ZFHX4: variants seen among roughly 807,000 people sequenced by gnomAD.
The protein encoded by ZFHX4 is zinc finger homeobox protein 4.
Under a neutral mutation model 267.6 loss-of-function variants are expected in ZFHX4, and 56 were observed. The ratio of observed to expected loss-of-function variants is 0.21; its 90% CI spans 0.17 to 0.26. The LOEUF is 0.26. Among genes scored for constraint, ZFHX4 ranks in the 10% least tolerant of loss-of-function variants. ZFHX4 has a pLI of 1.00. For missense variants in ZFHX4, 4,332 were observed against 4,420.0 expected, an observed-to-expected ratio of 0.98 and a Z score of 0.56; for synonymous variants, 1,778 against 1,665.6, an observed-to-expected ratio of 1.07 and a Z score of -1.64.
Position 76,855,961 on chromosome 8 carries a change from G to A in ZFHX4, c.9040G>A (p.Val3014Met). The change falls in exon 10 of 11, where the codon GTG (valine) becomes ATG (methionine). Residue 3014 changes from valine to methionine, a missense_variant. Transcript: ENST00000651372. ...GTKPECTLCG[V>M]KYSARLSIRD... The stretch of plus-strand genomic sequence containing the variant: ...CAAACCAGAGTGTACCCTCTGCGGG[G>A]TGAAGTACTCTGCCCGCTTGTCCAT... The A allele has an allele frequency of 6.2e-7, 1 of 1,613,934 alleles. No homozygotes were observed.
chr8:76,720,827 A>G (rs761853290), intron 3 of ZFHX4, among the ~76,000 whole-genome samples: 2 of 152,180 alleles, frequency 1.3e-5, no homozygotes, highest in Non-Finnish European at 2.9e-5. Context: ...TAGATTAGCT[A>G]CTATTATTAT....
At chr8:76,848,325 C>T (rs1434640043) in intron 6 of ZFHX4, among the ~76,000 whole-genome samples, 1 of 152,170 alleles carries the variant, frequency 6.6e-6, no homozygotes, top group African/African-American at 2.4e-5. Flanking sequence ...CACTGCTGGT[C>T]TAGGCAAAAT....
rs1045845668 is a variant in ZFHX4, at chr8:76,718,598, G to T, written c.3093+10550G>T. Among the ~76,000 whole-genome samples the T allele has an allele frequency of 2.0e-5, 3 of 151,902 alleles. No homozygotes were observed. In the East Asian group the frequency reaches 5.8e-4, roughly 29 times the overall value. ...AATTTACAAATAACTTTTTTTCAGA[G>T]AAAAATAGTCTTGGCTCTCTTAATT... On this transcript the variant is annotated intron_variant, in intron 3 of 10. Coordinates refer to ENST00000651372, the MANE Select transcript of ZFHX4 (RefSeq NM_024721.5).
At chr8:76,710,574 A>C (rs1211180912) in intron 3 of ZFHX4, among the ~76,000 whole-genome samples, 1 of 152,202 alleles carries the variant, frequency 6.6e-6, no homozygotes, top group Non-Finnish European at 1.5e-5. Flanking sequence ...CTCCTCTATA[A>C]AATTCATTTT....
intron 3 of ZFHX4, among the ~76,000 whole-genome samples, chr8:76,776,325 G>T (rs952621784): frequency 6.6e-6 from 1 of 152,004 alleles, no homozygotes; most frequent in African/African-American, 2.4e-5. Context: ...AAGTGTTTTG[G>T]TGTGTTATAA....
intron 3 of ZFHX4, among the ~76,000 whole-genome samples, chr8:76,734,225 T>C (rs1362829929): frequency 6.6e-6 from 1 of 152,190 alleles, no homozygotes; most frequent in Non-Finnish European, 1.5e-5. Flanking sequence ...TCTGTTAAAA[T>C]GTTATGGACA....
intron 4 of ZFHX4, among the ~76,000 whole-genome samples, chr8:76,821,138 T>A (rs995549514): frequency 6.6e-6 from 1 of 152,162 alleles, no homozygotes; most frequent in Non-Finnish European, 1.5e-5. Context: ...CCTAGGTCCA[T>A]CCTATGACAC....
intron 6 of ZFHX4, among the ~76,000 whole-genome samples, chr8:76,843,478 C>G (rs1469324024): frequency 6.6e-6 from 1 of 152,148 alleles, no homozygotes; most frequent in East Asian, 1.9e-4. Flanking sequence ...CAAACAAACC[C>G]TAGGCCAGCA....
At chr8:76,696,307 C>T (rs1807955479) in intron 1 of ZFHX4, among the ~76,000 whole-genome samples, 1 of 152,076 alleles carries the variant, frequency 6.6e-6, no homozygotes, top group Non-Finnish European at 1.5e-5. Context: ...TCTTTTGAAT[C>T]AATACAATTA....
rs748639321 is a variant in ZFHX4, at chr8:76,704,142, A to G, written c.54A>G (p.Thr18=). The G allele has an allele frequency of 1.4e-5, 22 of 1,613,878 alleles. No homozygotes were observed. The highest frequency in any genetic ancestry group is 1.9e-5 in the Non-Finnish European group (22 of 1,179,886). ...CAAGGCAGGAAAATGGGCAGAGCAC[A>G]TCAAAGCTATGTGGAACGACACAAC... is the stretch of plus-strand genomic sequence containing the variant. ...PISRQENGQS[T]SKLCGTTQLD... The change falls in exon 2 of 11, where the codon ACA becomes ACG. Residue 18 remains threonine (T), a synonymous_variant. Coordinates refer to ENST00000651372, the MANE Select transcript of ZFHX4 (RefSeq NM_024721.5).
At chr8:76,829,612 C>A (rs1217720970) in intron 4 of ZFHX4, among the ~76,000 whole-genome samples, 2 of 152,146 alleles carry the variant, frequency 1.3e-5, no homozygotes, top group East Asian at 3.9e-4. Flanking sequence ...AGTTCAAGAC[C>A]AGTTTGGTCA....
intron 4 of ZFHX4, among the ~76,000 whole-genome samples, chr8:76,799,609 AAG>A (rs1261118128): frequency 6.6e-6 from 1 of 152,180 alleles, no homozygotes; most frequent in Non-Finnish European, 1.5e-5. Flanking sequence ...TCACTAGTCT[AAG>A]AGAACATTCA....
In ZFHX4 at chr8:76,770,494, C is replaced by T. The variant is rs545784108; in HGVS notation, c.3094-7714C>T. ...TCTTCACTATTATTCTTCCTAACCA[C>T]ATTTATTGAGCATATAGCTATATGC... is the stretch of plus-strand genomic sequence containing the variant. On this transcript the variant is annotated intron_variant, in intron 3 of 10. Transcript: ENST00000651372. Among the ~76,000 whole-genome samples the T allele has an allele frequency of 2.4e-4, 37 of 152,192 alleles. 1 individual carries two copies. In the South Asian group the frequency reaches 7.7e-3, roughly 32 times the overall value.
intron 4 of ZFHX4, among the ~76,000 whole-genome samples, chr8:76,824,940 A>C (rs1218365095): frequency 6.6e-6 from 1 of 152,186 alleles, no homozygotes; most frequent in African/African-American, 2.4e-5. Flanking sequence ...AGCATGTGTA[A>C]AATTTGCTTA....
At chr8:76,747,975 T>TA (rs1334832628) in intron 3 of ZFHX4, among the ~76,000 whole-genome samples, 1 of 151,958 alleles carries the variant, frequency 6.6e-6, no homozygotes, top group East Asian at 1.9e-4. Context: ...CAAAAATGAA[T>TA]AAAAATCCCT....
At position 76,705,264 on chromosome 8, in the gene ZFHX4, A is replaced by C. The variant is rs761891962; in HGVS notation, c.1176A>C (p.Ala392=). Residue 392 remains alanine, a synonymous_variant, in exon 2 of 11, where the codon GCA becomes GCC. Coordinates refer to ENST00000651372, the MANE Select transcript of ZFHX4 (RefSeq NM_024721.5). The stretch of plus-strand genomic sequence containing the variant: ...GAAGCGCGAGCACCTCGAGCTCAGC[A>C]GAGCAGCCGCTGGGGATTACCCAAA... The part of the protein sequence containing the change: ...LKGSASTSSS[A]EQPLGITQMP... 8.1e-6 allele frequency: 13 copies of C among 1,613,906 alleles called. No homozygotes were observed. The highest frequency in any genetic ancestry group is 1.0e-5 in the Non-Finnish European group (12 of 1,179,914).
At chr8:76,838,744 C>T (rs1450650813) in intron 5 of ZFHX4, among the ~76,000 whole-genome samples, 1 of 152,054 alleles carries the variant, frequency 6.6e-6, no homozygotes, top group East Asian at 1.9e-4. Flanking sequence ...ATCCCAAACC[C>T]AATTGTATGT....
At chr8:76,829,387 T>C (rs552490865) in intron 4 of ZFHX4, among the ~76,000 whole-genome samples, 1 of 151,910 alleles carries the variant, frequency 6.6e-6, no homozygotes, top group South Asian at 2.1e-4. Context: ...TAAATATTGC[T>C]TGTACAGGGA....
chr8:76,837,192 G>A (rs1388802308), intron 5 of ZFHX4, among the ~76,000 whole-genome samples: 1 of 152,120 alleles, frequency 6.6e-6, no homozygotes, highest in Non-Finnish European at 1.5e-5. Flanking sequence ...AGACACTCAA[G>A]TATTTAGTTG....
Sources: allele counts gnomAD v4.1 joint callset (sites outside exome capture counted in the v4.1 genomes callset), GRCh38; gene constraint gnomAD v4.1.1; transcripts MANE v1.5; gene names NCBI Gene and HGNC (gene_info 2026-07-23, HGNC 2026-07-21).